CLSPN: variants seen among roughly 807,000 people sequenced by gnomAD.
CLSPN encodes the protein claspin.
A neutral mutation model predicts 156.3 loss-of-function variants in CLSPN; 85 were observed. The ratio of observed to expected loss-of-function variants is 0.54; its 90% CI spans 0.46 to 0.65. The LOEUF (loss-of-function observed/expected upper bound fraction) is 0.65, where lower values mean the gene tolerates loss of function less well. Among genes scored for constraint, CLSPN ranks in the 30% least tolerant of loss-of-function variants. The probability of loss-of-function intolerance (pLI) is 0.00; values close to 1 mark genes in which losing one functional copy is unlikely to be tolerated. For synonymous variants in CLSPN, 534 were observed against 542.4 expected, an observed-to-expected ratio of 0.98 and a Z score of 0.22; for missense variants, 1,407 against 1,554.9, an observed-to-expected ratio of 0.90 and a Z score of 1.60.
intron 24 of CLSPN, among the ~76,000 whole-genome samples, chr1:35,722,907 A>T (rs1641106922): frequency 6.6e-6 from 1 of 152,224 alleles, no homozygotes; most frequent in Non-Finnish European, 1.5e-5. Context: ...TTGGGATTAC[A>T]GGCGTGAACC....
At chr1:35,753,490 T>C (rs149411868) in intron 9 of CLSPN, among the ~76,000 whole-genome samples, 5 of 152,246 alleles carry the variant, frequency 3.3e-5, no homozygotes, top group Middle Eastern at 6.8e-3. Flanking sequence ...GATTAAGTTT[T>C]TCATTTATTC....
chr1:35,750,682 C>A (rs1442731122), intron 10 of CLSPN, among the ~76,000 whole-genome samples: 1 of 151,940 alleles, frequency 6.6e-6, no homozygotes, highest in East Asian at 1.9e-4. Flanking sequence ...CATGAGCCAC[C>A]CTGCCCGGCC....
Position 35,746,707 on chromosome 1 carries a change from T to C in CLSPN, c.2854+59A>G. The C allele has an allele frequency of 8.1e-7, 1 of 1,232,536 alleles. No homozygotes were observed. Among genetic ancestry groups the C allele is most frequent in the South Asian group, 1.2e-5 (1 of 82,270 alleles). 76.3% of individuals were successfully genotyped at this position (1,232,536 alleles called of 1,614,324 possible). A position where few individuals can be genotyped will look rare whatever the true frequency, so the allele number is the denominator to read the frequency against. On this transcript the variant is annotated intron_variant, in intron 15 of 24. Coordinates refer to ENST00000318121, the MANE Select transcript of CLSPN (RefSeq NM_022111.4). The surrounding 1 kb of genome is among the most constrained non-coding windows in gnomAD (Gnocchi z 4.2). ...GCCACCCCACCCGCCCAGGGAATTC[T>C]TTTCAAGGGCACTGATACTTGGGTG...
In CLSPN at chr1:35,732,887, G is replaced by A. The variant is rs1641350907; in HGVS notation, c.*3609C>T. 3.0e-6 allele frequency: 3 copies of A among 985,412 alleles called. No homozygotes were observed. The highest frequency in any genetic ancestry group is 3.6e-6 in the Non-Finnish European group (3 of 829,926). 61.0% of individuals were successfully genotyped at this position (985,412 alleles called of 1,614,324 possible). On this transcript the variant is annotated 3_prime_UTR_variant, in exon 25 of 25. Transcript: ENST00000318121. The stretch of plus-strand genomic sequence containing the variant: ...AGCAGCCATCCTGGCATAAGGAAAA[G>A]TAACCCAGAGTTTGACTCAAGTTTT...
At chr1:35,768,457 G>A (rs538352858) in intron 1 of CLSPN, among the ~76,000 whole-genome samples, 1 of 151,890 alleles carries the variant, frequency 6.6e-6, no homozygotes, top group South Asian at 2.1e-4. Flanking sequence ...ACCTAGGCTG[G>A]AGTGCAGTGG....
intron 16 of CLSPN, among the ~76,000 whole-genome samples, chr1:35,744,858 G>C (rs1641821448): frequency 6.6e-6 from 1 of 152,100 alleles, no homozygotes; most frequent in African/African-American, 2.4e-5. Context: ...TTGTTGCCCA[G>C]GTTGGAGTGC....
chr1:35,762,359 T>C (rs1642509922), intron 5 of CLSPN, 45 bp downstream of exon 5: 9 of 1,413,008 alleles, frequency 6.4e-6, no homozygotes, highest in Non-Finnish European at 8.9e-6. Context: ...TATAATCTCC[T>C]GTGTAAAGAG....
chr1:35,747,894 C>T lies in CLSPN; in HGVS notation c.2627+13G>A. On this transcript the variant is annotated intron_variant, in intron 14 of 24. Coordinates refer to ENST00000318121, the MANE Select transcript of CLSPN (RefSeq NM_022111.4). ...AGCACCATTCCCGCCCACAGAAACA[C>T]AAAACTACCTACCCATCTGCATCCA... The T allele has an allele frequency of 6.2e-7, 1 of 1,608,754 alleles. No homozygotes were observed. The highest frequency in any genetic ancestry group is 8.5e-7 in the Non-Finnish European group (1 of 1,178,182).
intron 16 of CLSPN, among the ~76,000 whole-genome samples, chr1:35,743,737 C>A (rs542371130): frequency 2.2e-4 from 34 of 152,218 alleles, no homozygotes; most frequent in Non-Finnish European, 2.9e-5. Flanking sequence ...GATCCTCCCA[C>A]ATCAGCCTCC....
At chr1:35,743,356 T>C in intron 17 of CLSPN, 99 bp downstream of exon 17, 1 of 1,387,384 alleles carries the variant, frequency 7.2e-7, no homozygotes, top group Non-Finnish European at 1.0e-6. Flanking sequence ...TCTGATAAGA[T>C]GCCAAACTTA....
Position 35,754,640 on chromosome 1 carries a change from T to C in CLSPN, c.1580-704A>G, listed in dbSNP as rs546888875. Among the ~76,000 whole-genome samples the C allele has an allele frequency of 5.3e-5, 8 of 152,302 alleles. No homozygotes were observed. In the East Asian group the frequency reaches 1.5e-3, roughly 29 times the overall value. ...GGGATCAAATTCCCTATTTTGAATG[T>C]TTCATTATTGGCAATCTTACTAAAT... On this transcript the variant is annotated intron_variant, in intron 8 of 24. Transcript: ENST00000318121.
chr1:35,759,829 CTTT>C (rs530890885), intron 8 of CLSPN, among the ~76,000 whole-genome samples: 2 of 128,270 alleles, frequency 1.6e-5, no homozygotes, highest in African/African-American at 2.9e-5. Context: ...TATCAACAAC[CTTT>C]TTTTTTTTTT....
chr1:35,736,629 G>A, intron 24 of CLSPN, 23 bp from the exon 25 acceptor site: 1 of 1,595,784 alleles, frequency 6.3e-7, no homozygotes, highest in Non-Finnish European at 8.5e-7. Flanking sequence ...GAGGGAGTCA[G>A]GGCCAGCTAA....
intron 1 of CLSPN, among the ~76,000 whole-genome samples, chr1:35,766,328 A>T (rs1457904043): frequency 2.0e-5 from 3 of 151,936 alleles, no homozygotes; most frequent in Non-Finnish European, 2.9e-5. Flanking sequence ...AAGAAAAAAA[A>T]AAGAGAGGGA....
chr1:35,736,205 G>A lies in CLSPN; in HGVS notation c.*291C>T. ...TGCACTCCAAGCTGGGCAACAGAGT[G>A]AGACTCCCATCTTAAAAAAAAAAAA... On this transcript the variant is annotated 3_prime_UTR_variant, in exon 25 of 25. Transcript: ENST00000318121. 1.0e-6 allele frequency: 1 copy of A among 983,488 alleles called. No individual in the cohort carries two copies. Among genetic ancestry groups the A allele is most frequent in the Non-Finnish European group, 1.2e-6 (1 of 822,730 alleles). 60.9% of individuals were successfully genotyped at this position (983,488 alleles called of 1,614,324 possible).
Position 35,746,790 on chromosome 1 carries a change from A to T in CLSPN, c.2830T>A (p.Cys944Ser). 6.2e-7 allele frequency: 1 copy of T among 1,612,654 alleles called. No individual in the cohort carries two copies. The highest frequency in any genetic ancestry group is 8.5e-7 in the Non-Finnish European group (1 of 1,178,656). Reference sequence around the variant, plus strand: ...CCCTGAGAAGTGAATTTTCCTGAACAAAGGTTCAGAAGTTCCTCCATGTTC... The same window carrying T: ...CCCTGAGAAGTGAATTTTCCTGAACTAAGGTTCAGAAGTTCCTCCATGTTC... ...KENMEELLNL[C>S]SGKFTSQDAS... The change falls in exon 15 of 25, where the codon TGT becomes AGT. Residue 944 changes from cysteine (C) to serine (S), a missense_variant. Cys to Ser is a moderately radical substitution (Grantham distance 112). Transcript: ENST00000318121. This position sits in a 1 kb window ranked among gnomAD's most constrained non-coding sequence, Gnocchi z 4.2.
Position 35,732,574 on chromosome 1 carries a change from A to C in CLSPN, c.*3922T>G. On this transcript the variant is annotated 3_prime_UTR_variant, in exon 25 of 25. Transcript: ENST00000318121. ...ATTAGAGACCTGTTTAAAGAGGTTAATACCATGTATCCCTACTCAAGTGTA... is the reference window on the plus strand; with the variant it reads ...ATTAGAGACCTGTTTAAAGAGGTTACTACCATGTATCCCTACTCAAGTGTA... 1 of 985,474 alleles carries C rather than the reference A, an allele frequency of 1.0e-6. No homozygotes were observed. Among genetic ancestry groups the C allele is most frequent in the Non-Finnish European group, 1.2e-6 (1 of 829,936 alleles). The allele number at this position is 985,474 out of a possible 1,614,324, so 61.0% of individuals were successfully genotyped here.
In CLSPN at chr1:35,735,728, CT is replaced by C; in HGVS notation, c.*767del. 2.0e-6 allele frequency: 2 copies of C among 982,416 alleles called. No individual in the cohort carries two copies. The highest frequency in any genetic ancestry group is 2.4e-6 in the Non-Finnish European group (2 of 827,790). 60.9% of individuals were successfully genotyped at this position (982,416 alleles called of 1,614,324 possible). On this transcript the variant is annotated 3_prime_UTR_variant, in exon 25 of 25. Coordinates refer to ENST00000318121, the MANE Select transcript of CLSPN (RefSeq NM_022111.4). ...CTCAAAAAAAAAAAAAGAAATCTTT[CT>C]TTCACCGAGCCCTGGTCATCATGGT...
At chr1:35,757,697 T>C (rs562142937) in intron 8 of CLSPN, among the ~76,000 whole-genome samples, 55 of 152,332 alleles carry the variant, frequency 3.6e-4, no homozygotes, top group African/African-American at 1.3e-3. Flanking sequence ...TTTAGTCCCA[T>C]ATAACAAAAA....
Sources: allele counts gnomAD v4.1 joint callset (sites outside exome capture counted in the v4.1 genomes callset), GRCh38; gene constraint gnomAD v4.1.1; non-coding constraint Gnocchi (gnomAD v3.1); transcripts MANE v1.5; gene names NCBI Gene and HGNC (gene_info 2026-07-23, HGNC 2026-07-21).